CACNA1S: variants seen among roughly 807,000 people sequenced by gnomAD.
CACNA1S encodes the protein voltage-dependent L-type calcium channel subunit alpha-1S.
CACNA1S carries 126 observed loss-of-function variants against 207.4 expected under a neutral mutation model. The ratio of observed to expected loss-of-function variants is 0.61; its 90% CI spans 0.53 to 0.70. The LOEUF is 0.70. CACNA1S is among the 30% of genes least tolerant of loss of function. CACNA1S has a pLI of 0.00. For synonymous variants in CACNA1S, 960 were observed against 932.7 expected (o/e 1.03, Z -0.53); for missense variants, 2,349 against 2,422.8 (o/e 0.97, Z 0.64).
At position 201,069,174 on chromosome 1, in the gene CACNA1S, C is replaced by A; in HGVS notation, c.2513G>T (p.Gly838Val). ...CTCCACAGTGAAGACAGAGGTGAAC[C>A]CGATGTCAAAGTGTTTAAGGATCTG... The part of the protein sequence containing the change: ...RNQILKHFDI[G>V]FTSVFTVEIV... Residue 838 changes from glycine to valine, a missense_variant, in exon 19 of 44, where the codon GGG becomes GTG. Transcript: ENST00000362061. 2 of 1,614,168 alleles carry A rather than the reference C, an allele frequency of 1.2e-6. No homozygotes were observed. The highest frequency in any genetic ancestry group is 1.7e-5 in the Admixed American group (1 of 60,026).
chr1:201,107,980 G>T (rs1053807005), intron 2 of CACNA1S, among the ~76,000 whole-genome samples: 1 of 151,972 alleles, frequency 6.6e-6, no homozygotes, highest in African/African-American at 2.4e-5. Flanking sequence ...ATGAACTCTA[G>T]GCCTAACCCA....
At chr1:201,086,443 C>T (rs905120214) in intron 7 of CACNA1S, among the ~76,000 whole-genome samples, 3 of 152,200 alleles carry the variant, frequency 2.0e-5, no homozygotes, top group Admixed American at 6.5e-5. Flanking sequence ...ACATCAAGAG[C>T]GTACTTGCAC....
chr1:201,053,704 C>G lies in CACNA1S; in HGVS notation c.3667-117G>C, dbSNP rs1660738654. On this transcript the variant is annotated intron_variant, in intron 29 of 43. Coordinates refer to ENST00000362061, the MANE Select transcript of CACNA1S (RefSeq NM_000069.3). The surrounding 1 kb of genome is among the most constrained non-coding windows in gnomAD (Gnocchi z 5.1). ...GGGAGATGTTTGTGGCATGGAGGAA[C>G]TCCAGCCCCGCCTCTGGCCCCTGCT... The G allele has an allele frequency of 1.9e-6, 2 of 1,069,700 alleles. No homozygotes were observed. The highest frequency in any genetic ancestry group is 3.1e-5 in the South Asian group (2 of 65,358). 66.3% of individuals were successfully genotyped at this position (1,069,700 alleles called of 1,614,324 possible).
chr1:201,110,576 C>T (rs1418934674), intron 1 of CACNA1S, among the ~76,000 whole-genome samples: 3 of 152,140 alleles, frequency 2.0e-5, no homozygotes, highest in Non-Finnish European at 2.9e-5. Context: ...GTCTTCACAC[C>T]GCTCCACTCT....
At position 201,043,311 on chromosome 1, in the gene CACNA1S, CTGTTGCCATAGGCGACAT is replaced by C. The variant is rs1356238528; in HGVS notation, c.5000_5017del (p.Asn1667_Asn1672del). The C allele has an allele frequency of 6.2e-7, 1 of 1,614,210 alleles. No individual in the cohort carries two copies. Among genetic ancestry groups the C allele is most frequent in the East Asian group, 2.2e-5 (1 of 44,882 alleles). On this transcript the variant is annotated inframe_deletion, in exon 40 of 44. Transcript: ENST00000362061. ...AAACACATGGCTGTTGCTATGGTTG[CTGTTGCCATAGGCGACAT>C]TGGCGTTGGCATTGTTGGTATTGGC...
intron 2 of CACNA1S, among the ~76,000 whole-genome samples, chr1:201,105,004 A>G (rs1662824361): frequency 6.6e-6 from 1 of 152,280 alleles, no homozygotes; most frequent in African/African-American, 2.4e-5. Context: ...TAGAACAGTG[A>G]CTGACAATAT....
chr1:201,106,380 A>C lies in CACNA1S; in HGVS notation c.258+3784T>G, dbSNP rs192885025. Reference sequence around the variant, plus strand: ...CATGGGGCCTGAGAGATTTTTCTAAATCCCCCCCTGACCTCTCTGTCTCTT... The same window carrying C: ...CATGGGGCCTGAGAGATTTTTCTAACTCCCCCCCTGACCTCTCTGTCTCTT... On this transcript the variant is annotated intron_variant, in intron 2 of 43. Transcript: ENST00000362061. Among the ~76,000 whole-genome samples the C allele has an allele frequency of 4.6e-5, 7 of 151,362 alleles. No individual in the cohort carries two copies. In the East Asian group the frequency reaches 1.4e-3, roughly 30 times the overall value.
intron 3 of CACNA1S, 83 bp from the exon 4 acceptor site, chr1:201,092,197 A>G: frequency 1.3e-6 from 2 of 1,519,424 alleles, no homozygotes; most frequent in South Asian, 2.3e-5. Flanking sequence ...TGTCCTGTCC[A>G]TGCTTGAGCA....
rs1163407139 is a variant in CACNA1S at position 201,061,392 on chromosome 1, A to T, written c.3130T>A (p.Phe1044Ile). The stretch of plus-strand genomic sequence containing the variant: ...ATGAGGATGATGTAGATGATGAAGA[A>T]GATGGCCATCTCCACACGGTTGTTG... Reference protein sequence around the residue: ...IYNNRVEMAIFFIIYIILIAF... With the variant: ...IYNNRVEMAIIFIIYIILIAF... Residue 1044 changes from phenylalanine (F) to isoleucine (I), a missense_variant, in exon 25 of 44, where the codon TTC becomes ATC. Coordinates refer to ENST00000362061, the MANE Select transcript of CACNA1S (RefSeq NM_000069.3). The T allele has an allele frequency of 1.2e-6, 2 of 1,614,124 alleles. No individual in the cohort carries two copies. The highest frequency in any genetic ancestry group is 1.7e-6 in the Non-Finnish European group (2 of 1,180,050).
At chr1:201,056,917 C>T (rs1660866166) in intron 28 of CACNA1S, among the ~76,000 whole-genome samples, 1 of 152,160 alleles carries the variant, frequency 6.6e-6, no homozygotes, top group African/African-American at 2.4e-5. Flanking sequence ...CAAAATAGAT[C>T]CAGACACTGA....
rs1661693287 is a variant in CACNA1S, at chr1:201,077,989, C to G, written c.1509G>C (p.Val503=). Residue 503 remains valine, a synonymous_variant, in exon 11 of 44, where the codon GTG becomes GTC. Coordinates refer to ENST00000362061, the MANE Select transcript of CACNA1S (RefSeq NM_000069.3). ...GGATCTCCAGGATACCGCTACACAC[C>G]ACGAAGCAGTCGAAGCGGTTGAAGA... ...MSIFNRFDCF[V]VCSGILEILL... The G allele has an allele frequency of 6.2e-7, 1 of 1,614,160 alleles. No individual in the cohort carries two copies. Among genetic ancestry groups the G allele is most frequent in the Admixed American group, 1.7e-5 (1 of 60,036 alleles).
intron 24 of CACNA1S, 55 bp downstream of exon 24, chr1:201,061,889 G>T: frequency 6.2e-7 from 1 of 1,602,582 alleles, no homozygotes; most frequent in Non-Finnish European, 8.5e-7. Flanking sequence ...CAGGCTGGCT[G>T]CCTGGTCCTA....
At chr1:201,072,974 A>T in intron 15 of CACNA1S, 150 bp from the exon 16 acceptor site, 1 of 763,276 alleles carries the variant, frequency 1.3e-6, no homozygotes, top group Admixed American at 1.9e-5. Flanking sequence ...TCCCCATTTT[A>T]CAAATGAGAG....
chr1:201,102,188 C>G (rs1055585018), intron 2 of CACNA1S, among the ~76,000 whole-genome samples: 7 of 152,162 alleles, frequency 4.6e-5, no homozygotes, highest in African/African-American at 1.7e-4. Flanking sequence ...AGGGGGTCCT[C>G]CTGGAGTCCA....
In CACNA1S at chr1:201,065,845, A is replaced by T; in HGVS notation, c.2846T>A (p.Leu949His). 6.2e-7 allele frequency: 1 copy of T among 1,613,274 alleles called. No homozygotes were observed. The highest frequency in any genetic ancestry group is 1.3e-5 in the African/African-American group (1 of 75,026). The change falls in exon 22 of 44, where the codon CTC (leucine) becomes CAC (histidine). Residue 949 changes from leucine (L) to histidine (H), a missense_variant. Coordinates refer to ENST00000362061, the MANE Select transcript of CACNA1S (RefSeq NM_000069.3). ...GCGCAGGCTGGGGCTCACCTTGAAG[A>T]GCTGGACGCCGATGCAGGCAAACAT... ...QFMFACIGVQ[L>H]FKGKFFRCTD...
chr1:201,066,843 C>T lies in CACNA1S; in HGVS notation c.2657+44G>A, dbSNP rs138825802. On this transcript the variant is annotated intron_variant, in intron 20 of 43. Coordinates refer to ENST00000362061, the MANE Select transcript of CACNA1S (RefSeq NM_000069.3). The surrounding 1 kb of genome is among the most constrained non-coding windows in gnomAD (Gnocchi z 4.3). ...CCCACTACAAAGCCCTGGCACAGAG[C>T]AGAGGGTGGTCTGTGCCCAGGGCTG... 1 of 1,433,584 alleles carries T rather than the reference C, an allele frequency of 7.0e-7. No homozygotes were observed. Among genetic ancestry groups the T allele is most frequent in the Admixed American group, 1.7e-5 (1 of 58,588 alleles). The allele number at this position is 1,433,584 out of a possible 1,614,324, so 88.8% of individuals were successfully genotyped here.
At chr1:201,077,766 C>G in intron 11 of CACNA1S, 113 bp downstream of exon 11, 1 of 679,652 alleles carries the variant, frequency 1.5e-6, no homozygotes, top group African/African-American at 1.8e-5. Context: ...GGGCAAGGGA[C>G]CAGTGGTGAA....
intron 10 of CACNA1S, among the ~76,000 whole-genome samples, chr1:201,082,367 C>T (rs1256961166): frequency 6.6e-6 from 1 of 152,170 alleles, no homozygotes; most frequent in East Asian, 1.9e-4. Flanking sequence ...TGGCCTAACA[C>T]AAGGCCCCCA....
At chr1:201,110,722 A>G (rs1360312695) in intron 1 of CACNA1S, among the ~76,000 whole-genome samples, 4 of 152,194 alleles carry the variant, frequency 2.6e-5, no homozygotes, top group Non-Finnish European at 4.4e-5. Flanking sequence ...GAACTCACTG[A>G]GTAGGACTGG....
Sources: gnomAD v4.1 joint callset for allele counts (sites outside exome capture counted in the v4.1 genomes callset) on GRCh38, gnomAD v4.1.1 for gene constraint, Gnocchi (gnomAD v3.1) non-coding constraint, MANE v1.5 for transcripts, NCBI Gene and HGNC (gene_info 2026-07-23, HGNC 2026-07-21) for gene names.